The following CRACR2A variants were observed in gnomAD, a reference collection of about 807,000 sequenced individuals.
The protein encoded by CRACR2A is EF-hand calcium-binding domain-containing protein 4B.
In CRACR2A, 79 loss-of-function variants were observed where a neutral mutation model predicts 90.5. That is an observed-to-expected ratio of 0.87 (90% CI 0.73 to 1.05). The LOEUF (loss-of-function observed/expected upper bound fraction) is 1.05, where lower values mean the gene tolerates loss of function less well. Among genes scored for constraint, CRACR2A ranks in the 50% least tolerant of loss-of-function variants. The pLI is 0.00. For missense variants in CRACR2A, 823 were observed against 897.2 expected (o/e 0.92, Z 1.06); for synonymous variants, 338 against 356.7 (o/e 0.95, Z 0.59).
intron 6 of CRACR2A, among the ~76,000 whole-genome samples, chr12:3,677,747 C>T (rs775517331): frequency 2.2e-4 from 33 of 152,212 alleles, no homozygotes; most frequent in Admixed American, 7.2e-4. Context: ...TCGACACCTG[C>T]TGCAGCCCCT....
At chr12:3,651,053 C>T (rs967598313) in intron 10 of CRACR2A, among the ~76,000 whole-genome samples, 2 of 152,172 alleles carry the variant, frequency 1.3e-5, no homozygotes, top group Non-Finnish European at 2.9e-5. Context: ...AAAGTGTATA[C>T]ATGGGTAATA....
chr12:3,724,435 AT>A (rs1235847098), intron 2 of CRACR2A, among the ~76,000 whole-genome samples: 1 of 152,216 alleles, frequency 6.6e-6, no homozygotes, highest in East Asian at 1.9e-4. Flanking sequence ...GCGCTTCATC[AT>A]GCAGTGCCCC....
At chr12:3,701,311 T>C (rs930446971) in intron 3 of CRACR2A, among the ~76,000 whole-genome samples, 9 of 150,866 alleles carry the variant, frequency 6.0e-5, no homozygotes, top group African/African-American at 2.2e-4. Context: ...ACAAGAAAAA[T>C]AAATACAAAT....
At chr12:3,660,062 T>C (rs958685957) in intron 7 of CRACR2A, among the ~76,000 whole-genome samples, 2 of 152,226 alleles carry the variant, frequency 1.3e-5, no homozygotes, top group African/African-American at 4.8e-5. Context: ...CTATATGAAG[T>C]TGCATTGTGT....
rs1444917738 is a variant in CRACR2A at position 3,633,219 on chromosome 12, G to A, written c.1735+385C>T. Among the ~76,000 whole-genome samples the A allele has an allele frequency of 6.6e-6, 1 of 152,020 alleles. No homozygotes were observed. The highest frequency in any genetic ancestry group is 1.5e-5 in the Non-Finnish European group (1 of 67,992). On this transcript the variant is annotated intron_variant, in intron 15 of 19. Transcript: ENST00000440314. The surrounding 1 kb of genome is among the most constrained non-coding windows in gnomAD (Gnocchi z 4.5). Reference sequence around the variant, plus strand: ...GATGTGGGTCTCGGGAGGAGTCCTGGTCAGTTCAGGGGGAGCAGGAAGACC... The same window carrying A: ...GATGTGGGTCTCGGGAGGAGTCCTGATCAGTTCAGGGGGAGCAGGAAGACC...
chr12:3,696,993 C>T lies in CRACR2A; in HGVS notation c.7G>A (p.Ala3Thr), dbSNP rs1945752548. 2 of 1,611,078 alleles carry T rather than the reference C, an allele frequency of 1.2e-6. No homozygotes were observed. Among genetic ancestry groups the T allele is most frequent in the Non-Finnish European group, 1.7e-6 (2 of 1,178,474 alleles). Residue 3 changes from alanine (A) to threonine (T), a missense_variant, in exon 4 of 20, where the codon GCC (alanine) becomes ACC (threonine). Physicochemically the swap from Ala to Thr is moderately conservative, Grantham distance 58. Transcript: ENST00000440314. ...CTGGAGACTACCCTCCCGTCAGGGG[C>T]AGCCATCGCGATTAGTCAGTTTCTT... MA[A>T]PDGRVVSRPQ... is the part of the protein sequence containing the mutation.
chr12:3,748,038 A>G (rs1419606167), intron 1 of CRACR2A, among the ~76,000 whole-genome samples: 2 of 148,936 alleles, frequency 1.3e-5, no homozygotes, highest in African/African-American at 5.2e-5. Flanking sequence ...TCAGGGGTGC[A>G]CCCAGAAGGG....
chr12:3,615,792 C>T (rs756321396), intron 19 of CRACR2A, among the ~76,000 whole-genome samples: 1 of 152,190 alleles, frequency 6.6e-6, no homozygotes, highest in African/African-American at 2.4e-5. Context: ...CTGTCTCCCT[C>T]GGCAGAAAAT....
intron 17 of CRACR2A, among the ~76,000 whole-genome samples, chr12:3,620,794 G>C (rs564028012): frequency 1.3e-5 from 2 of 152,188 alleles, no homozygotes; most frequent in Non-Finnish European, 2.9e-5. Context: ...TGACTCAAAG[G>C]CGCTACAAGA....
In CRACR2A at chr12:3,680,218, CAG is replaced by C; in HGVS notation, c.340+18_340+19del. The C allele has an allele frequency of 5.0e-6, 8 of 1,601,596 alleles. No homozygotes were observed. Among genetic ancestry groups the C allele is most frequent in the Non-Finnish European group, 6.8e-6 (8 of 1,168,876 alleles). ...GGTAGACCCATAACCCTGAGGTCCC[CAG>C]CACCCATCAGAACTTACTAAATCCA... On this transcript the variant is annotated intron_variant, in intron 5 of 19. Coordinates refer to ENST00000440314, the MANE Select transcript of CRACR2A (RefSeq NM_001144958.2).
chr12:3,619,622 C>T (rs889012544), intron 17 of CRACR2A, among the ~76,000 whole-genome samples: 69 of 152,154 alleles, frequency 4.5e-4, no homozygotes, highest in African/African-American at 1.5e-3. Context: ...GTGCAATGAC[C>T]GCTCCCCCTT....
chr12:3,676,481 G>A (rs242035), intron 6 of CRACR2A, among the ~76,000 whole-genome samples: 56,012 of 152,020 alleles, frequency 0.37, 10,701 homozygotes, highest in Middle Eastern at 0.47. Flanking sequence ...ACATGATGGT[G>A]CCAGAAGATG....
intron 2 of CRACR2A, among the ~76,000 whole-genome samples, chr12:3,715,515 C>G (rs767376162): frequency 6.6e-6 from 1 of 152,208 alleles, no homozygotes; most frequent in Non-Finnish European, 1.5e-5. Context: ...AAACAGCTCC[C>G]TTAAACCCAG....
intron 13 of CRACR2A, among the ~76,000 whole-genome samples, chr12:3,641,529 G>A (rs74055946): frequency 0.11 from 17,027 of 152,186 alleles, 1,329 homozygotes; most frequent in African/African-American, 0.22. Context: ...GGTCTGTCCT[G>A]TGGGGTTTGC....
chr12:3,656,131 G>A (rs1001232405), intron 9 of CRACR2A, among the ~76,000 whole-genome samples, 180 bp downstream of exon 9: 1 of 152,230 alleles, frequency 6.6e-6, no homozygotes, highest in Non-Finnish European at 1.5e-5. Flanking sequence ...TATTGGAGAA[G>A]TAAAGGTTTT....
chr12:3,616,031 T>G (rs962909926), intron 19 of CRACR2A, among the ~76,000 whole-genome samples: 1 of 152,252 alleles, frequency 6.6e-6, no homozygotes, highest in Non-Finnish European at 1.5e-5. Flanking sequence ...GTTACGCACC[T>G]CCTTTGATTC....
At chr12:3,636,270 T>C (rs908219295) in intron 14 of CRACR2A, among the ~76,000 whole-genome samples, 2 of 152,248 alleles carry the variant, frequency 1.3e-5, no homozygotes, top group Non-Finnish European at 2.9e-5. Flanking sequence ...CAGCCTTGTA[T>C]GGCACGGCCT....
At chr12:3,721,481 C>T (rs1382841819) in intron 2 of CRACR2A, among the ~76,000 whole-genome samples, 3 of 150,758 alleles carry the variant, frequency 2.0e-5, no homozygotes, top group East Asian at 3.9e-4. Flanking sequence ...GTAGTCCTAG[C>T]TACTTGGGAG....
chr12:3,618,656 C>A (rs1867745478), intron 18 of CRACR2A, among the ~76,000 whole-genome samples: 1 of 152,178 alleles, frequency 6.6e-6, no homozygotes, highest in Non-Finnish European at 1.5e-5. Context: ...AGCACCCCAA[C>A]CTCCCAGACA....
Sources: gnomAD v4.1 joint callset for allele counts (sites outside exome capture counted in the v4.1 genomes callset) on GRCh38, gnomAD v4.1.1 for gene constraint, Gnocchi (gnomAD v3.1) non-coding constraint, MANE v1.5 for transcripts, NCBI Gene and HGNC (gene_info 2026-07-23, HGNC 2026-07-21) for gene names.